The following B3GLCT variants were observed in gnomAD, a reference collection of about 807,000 sequenced individuals.
B3GLCT encodes the protein beta-1,3-glucosyltransferase.
Under a neutral mutation model 63.4 loss-of-function variants are expected in B3GLCT, and 65 were observed. The ratio of observed to expected loss-of-function variants is 1.03; its 90% CI spans 0.84 to 1.26. B3GLCT has a LOEUF of 1.26. B3GLCT is among the 50% of genes most tolerant of loss of function. The pLI is 0.00. For missense variants in B3GLCT, 577 were observed against 604.8 expected (o/e 0.95, Z 0.48); for synonymous variants, 233 against 219.2 (o/e 1.06, Z -0.55).
chr13:31,324,050 C>T (rs1354997610), intron 14 of B3GLCT, among the ~76,000 whole-genome samples, 155 bp downstream of exon 14: 1 of 152,188 alleles, frequency 6.6e-6, no homozygotes, highest in Admixed American at 6.5e-5. Flanking sequence ...GACTGTTACC[C>T]TGTTTGATGT....
chr13:31,323,606 G>T (rs1399772484), intron 13 of B3GLCT, 145 bp from the exon 14 acceptor site: 7 of 897,816 alleles, frequency 7.8e-6, no homozygotes, highest in Admixed American at 1.9e-5. Context: ...AACAGGTAGG[G>T]TTTTACCTAG....
intron 4 of B3GLCT, among the ~76,000 whole-genome samples, chr13:31,233,032 TC>T (rs1221846293): frequency 2.6e-5 from 4 of 152,224 alleles, no homozygotes; most frequent in Admixed American, 6.5e-5. Context: ...AATCACAAGT[TC>T]TTTGAAGGCA....
At chr13:31,323,513 AC>A (rs1001085072) in intron 13 of B3GLCT, among the ~76,000 whole-genome samples, 1 of 152,220 alleles carries the variant, frequency 6.6e-6, no homozygotes, top group African/African-American at 2.4e-5. Context: ...AAAACAAGAA[AC>A]CAATCTGTAT....
chr13:31,226,549 G>T (rs933981176), intron 3 of B3GLCT, among the ~76,000 whole-genome samples: 1 of 152,194 alleles, frequency 6.6e-6, no homozygotes, highest in Non-Finnish European at 1.5e-5. Context: ...GGTAGGAGTG[G>T]CAGGAGTTGG....
chr13:31,294,177 C>G (rs1370085873), intron 12 of B3GLCT, among the ~76,000 whole-genome samples: 1 of 152,190 alleles, frequency 6.6e-6, no homozygotes, highest in Non-Finnish European at 1.5e-5. Context: ...GCTGGGAGAT[C>G]CGCTGTTTGT....
chr13:31,287,257 C>T (rs1051389491), intron 12 of B3GLCT, among the ~76,000 whole-genome samples: 1 of 152,048 alleles, frequency 6.6e-6, no homozygotes, highest in African/African-American at 2.4e-5. Context: ...TGAAGAGCCC[C>T]CTTATGTATT....
chr13:31,309,906 G>C (rs1874618436), intron 12 of B3GLCT, among the ~76,000 whole-genome samples: 1 of 152,082 alleles, frequency 6.6e-6, no homozygotes, highest in African/African-American at 2.4e-5. Context: ...CTAGGTTATG[G>C]GGCAGGACAT....
chr13:31,266,146 C>G (rs373304689), intron 7 of B3GLCT, among the ~76,000 whole-genome samples: 4 of 152,036 alleles, frequency 2.6e-5, no homozygotes, highest in Middle Eastern at 3.2e-3. Flanking sequence ...TGCAGGTGCC[C>G]GCCACCACAC....
chr13:31,228,877 T>G (rs947322493), intron 3 of B3GLCT, among the ~76,000 whole-genome samples: 1 of 152,248 alleles, frequency 6.6e-6, no homozygotes, highest in Non-Finnish European at 1.5e-5. Flanking sequence ...AAGATTAGTG[T>G]TCTAGATATT....
chr13:31,246,920 T>C (rs1480507109), intron 4 of B3GLCT, 103 bp from the exon 5 acceptor site: 1 of 919,866 alleles, frequency 1.1e-6, no homozygotes, highest in Non-Finnish European at 1.7e-6. Flanking sequence ...CCAAGCCTTT[T>C]CTTTTTTTCT....
intron 12 of B3GLCT, among the ~76,000 whole-genome samples, chr13:31,291,254 T>C (rs1873642091): frequency 6.6e-6 from 1 of 152,230 alleles, no homozygotes; most frequent in Non-Finnish European, 1.5e-5. Context: ...GGCCTTGTAG[T>C]ATAGTTTGAA....
chr13:31,271,794 C>T (rs1213364833), intron 8 of B3GLCT, among the ~76,000 whole-genome samples: 1 of 152,184 alleles, frequency 6.6e-6, no homozygotes, highest in Non-Finnish European at 1.5e-5. Flanking sequence ...ATGTAGAAAT[C>T]GTCCATAATA....
intron 10 of B3GLCT, among the ~76,000 whole-genome samples, chr13:31,278,443 A>G (rs1872901833): frequency 6.6e-6 from 1 of 152,182 alleles, no homozygotes; most frequent in South Asian, 2.1e-4. Context: ...GCCTATTAGG[A>G]GCATTAGAAA....
intron 10 of B3GLCT, among the ~76,000 whole-genome samples, chr13:31,280,529 G>A (rs1873020291): frequency 6.6e-6 from 1 of 152,116 alleles, no homozygotes; most frequent in Admixed American, 6.5e-5. Flanking sequence ...GGTGGTGATG[G>A]CCCCCACTCC....
chr13:31,295,881 A>G (rs1054445410), intron 12 of B3GLCT, among the ~76,000 whole-genome samples: 1 of 152,122 alleles, frequency 6.6e-6, no homozygotes, highest in Admixed American at 6.5e-5. Context: ...TCCTGCAGCT[A>G]TCTCAATGTC....
At chr13:31,216,416 G>T (rs1377728486) in intron 2 of B3GLCT, among the ~76,000 whole-genome samples, 1 of 152,106 alleles carries the variant, frequency 6.6e-6, no homozygotes, top group Non-Finnish European at 1.5e-5. Flanking sequence ...TTAGGTCAAG[G>T]GGTACATGTG....
rs557759589 is a variant in B3GLCT, at chr13:31,329,397, T to G, written c.1330-104T>G. The G allele has an allele frequency of 3.9e-6, 5 of 1,269,066 alleles. No homozygotes were observed. In the South Asian group the frequency reaches 4.8e-5, roughly 12 times the overall value. 78.6% of individuals were successfully genotyped at this position (1,269,066 alleles called of 1,614,324 possible). Reference sequence around the variant, plus strand: ...TGCTTTTAGATTCCTATAGCCAATGTTAGGTAGTGAAGTAAAGCAGTCCAC... The same window carrying G: ...TGCTTTTAGATTCCTATAGCCAATGGTAGGTAGTGAAGTAAAGCAGTCCAC... On this transcript the variant is annotated intron_variant, in intron 14 of 14. Coordinates refer to ENST00000343307, the MANE Select transcript of B3GLCT (RefSeq NM_194318.4).
intron 1 of B3GLCT, among the ~76,000 whole-genome samples, 185 bp from the exon 2 acceptor site, chr13:31,214,866 A>G (rs1434008798): frequency 1.3e-5 from 2 of 152,222 alleles, no homozygotes; most frequent in Non-Finnish European, 2.9e-5. Context: ...GTGTTGATGA[A>G]TAATTTTAGG....
At chr13:31,280,289 G>A (rs1873005086) in intron 10 of B3GLCT, among the ~76,000 whole-genome samples, 1 of 152,174 alleles carries the variant, frequency 6.6e-6, no homozygotes, top group African/African-American at 2.4e-5. Context: ...GTTTTAATTT[G>A]GGGAACTAAT....
Sources: allele counts gnomAD v4.1 joint callset (sites outside exome capture counted in the v4.1 genomes callset), GRCh38; gene constraint gnomAD v4.1.1; transcripts MANE v1.5; gene names NCBI Gene and HGNC (gene_info 2026-07-23, HGNC 2026-07-21).